Variants in ZC4H2 observed in about 807,000 individuals in gnomAD.
The protein encoded by ZC4H2 is zinc finger C4H2-type containing.
For synonymous variants in ZC4H2, 84 were observed against 66.3 expected, an observed-to-expected ratio of 1.27 and a Z score of -1.30; for missense variants, 137 against 173.9, an observed-to-expected ratio of 0.79 and a Z score of 1.19.
At chrX:65,012,084 AG>A (rs1221884937) in intron 1 of ZC4H2, among the ~76,000 whole-genome samples, 1 of 107,949 alleles carries the variant, frequency 9.3e-6, no homozygotes, top group Non-Finnish European at 1.9e-5. Flanking sequence ...AAAGCCATAA[AG>A]AAACCTAGTA....
chrX:64,954,531 A>G (rs887233195), intron 1 of ZC4H2, among the ~76,000 whole-genome samples: 1 of 103,646 alleles, frequency 9.6e-6, no homozygotes, highest in East Asian at 2.9e-4. Flanking sequence ...TGTGTTTTTA[A>G]CTATAATCCT....
intron 1 of ZC4H2, among the ~76,000 whole-genome samples, chrX:64,950,763 CT>C (rs1421131106): frequency 1.8e-5 from 2 of 110,638 alleles, no homozygotes; most frequent in East Asian, 5.6e-4. Context: ...GATGGGTTTC[CT>C]GAATACAGCA....
intron 1 of ZC4H2, among the ~76,000 whole-genome samples, chrX:64,973,916 T>G (rs1243084724): frequency 1.8e-5 from 2 of 111,700 alleles, no homozygotes; most frequent in African/African-American, 6.5e-5. Flanking sequence ...TCTTTCATTT[T>G]CAGAAGGTTG....
intron 1 of ZC4H2, among the ~76,000 whole-genome samples, chrX:64,975,213 C>T (rs1197392929): frequency 9.1e-6 from 1 of 109,825 alleles, no homozygotes; most frequent in Non-Finnish European, 1.9e-5. Context: ...GGTCAAAGGG[C>T]CTGGCACACA....
chrX:65,007,163 CTT>C (rs1311987477), intron 1 of ZC4H2, among the ~76,000 whole-genome samples: 1 of 110,952 alleles, frequency 9.0e-6, no homozygotes, highest in Non-Finnish European at 1.9e-5. Context: ...ATTTTAAAGT[CTT>C]TGTCTGATAT....
At chrX:64,920,313 A>C (rs1929140452) in intron 2 of ZC4H2, 60 bp from the exon 3 acceptor site, 2 of 1,107,834 alleles carry the variant, frequency 1.8e-6, no homozygotes, top group African/African-American at 1.8e-5. Flanking sequence ...GAGAGGATCT[A>C]TAGCTGAGTG....
chrX:64,998,253 A>G (rs1932457818), intron 1 of ZC4H2, among the ~76,000 whole-genome samples: 1 of 112,197 alleles, frequency 8.9e-6, no homozygotes, highest in Non-Finnish European at 1.9e-5. Context: ...CGATTCAATT[A>G]CATGCTGTCT....
chrX:64,931,810 A>T (rs1318907177), intron 1 of ZC4H2, among the ~76,000 whole-genome samples: 2 of 111,635 alleles, frequency 1.8e-5, no homozygotes, highest in African/African-American at 6.5e-5. Flanking sequence ...ACACTGAAAA[A>T]AAGAATGCAT....
chrX:64,957,097 C>A lies in ZC4H2; in HGVS notation c.53+19228G>T, dbSNP rs189173375. Reference sequence around the variant, plus strand: ...TAGGTAGACAAGATTGAAAACGTAACTTAGGAGTATGTGCCTGTAACAATA... The same window carrying A: ...TAGGTAGACAAGATTGAAAACGTAAATTAGGAGTATGTGCCTGTAACAATA... On this transcript the variant is annotated intron_variant, in intron 1 of 4. Coordinates refer to ENST00000374839, the MANE Select transcript of ZC4H2 (RefSeq NM_018684.4). Among the ~76,000 whole-genome samples, 173 of 112,542 alleles carry A rather than the reference C, an allele frequency of 1.5e-3. 1 individual carries two copies. Among genetic ancestry groups the A allele is most frequent in the Non-Finnish European group, 2.9e-3 (153 of 53,288 alleles).
At chrX:64,968,285 C>G (rs1480975614) in intron 1 of ZC4H2, among the ~76,000 whole-genome samples, 1 of 111,322 alleles carries the variant, frequency 9.0e-6, no homozygotes, top group Non-Finnish European at 1.9e-5. Flanking sequence ...AGTGACTTGC[C>G]CAAGAAGACA....
At chrX:64,948,040 G>A (rs998375626) in intron 1 of ZC4H2, among the ~76,000 whole-genome samples, 1 of 110,490 alleles carries the variant, frequency 9.1e-6, no homozygotes, top group Non-Finnish European at 1.9e-5. Flanking sequence ...AACTTTTAAC[G>A]ACCCCCAGGA....
chrX:64,979,801 G>A (rs1005327138), upstream of ZC4H2, among the ~76,000 whole-genome samples: 1 of 108,624 alleles, frequency 9.2e-6, no homozygotes, highest in African/African-American at 3.6e-5. Context: ...TGATTGATTT[G>A]AGGGGTTAGA....
At chrX:65,000,855 A>G (rs938050974) in intron 1 of ZC4H2, among the ~76,000 whole-genome samples, 15 of 112,086 alleles carry the variant, frequency 1.3e-4, no homozygotes, top group African/African-American at 4.9e-4. Flanking sequence ...GATCAACTCA[A>G]TGAAATAAAG....
intron 2 of ZC4H2, among the ~76,000 whole-genome samples, chrX:64,920,850 T>A (rs1322488215): frequency 8.9e-6 from 1 of 111,862 alleles, no homozygotes; most frequent in East Asian, 2.8e-4. Flanking sequence ...AGGGGTGGAG[T>A]CTAGCAATAT....
intron 1 of ZC4H2, among the ~76,000 whole-genome samples, chrX:65,023,328 C>A (rs1932850916): frequency 9.0e-6 from 1 of 111,573 alleles, no homozygotes; most frequent in Admixed American, 9.5e-5. Context: ...TTCCTCTTTT[C>A]CTAACTGAAT....
At chrX:64,954,432 T>A in intron 1 of ZC4H2, among the ~76,000 whole-genome samples, 1 of 89,922 alleles carries the variant, frequency 1.1e-5, no homozygotes, top group African/African-American at 4.9e-5. Flanking sequence ...ATTTCAAAAT[T>A]TCTAATATGT....
intron 1 of ZC4H2, among the ~76,000 whole-genome samples, chrX:64,930,784 T>C (rs142279632): frequency 3.6e-5 from 4 of 111,801 alleles, no homozygotes; most frequent in Non-Finnish European, 7.5e-5. Context: ...TTGCTGAGGA[T>C]TTTTGAATCT....
Position 64,934,856 on chromosome X carries a change from G to A in ZC4H2, c.54-12868C>T, listed in dbSNP as rs144675885. On this transcript the variant is annotated intron_variant, in intron 1 of 4. Coordinates refer to ENST00000374839, the MANE Select transcript of ZC4H2 (RefSeq NM_018684.4). Reference sequence around the variant, plus strand: ...ACCCGCAGACCAGGAGATCCCCTTCGGTGCCTACACCACCAGGACCCTGGG... The same window carrying A: ...ACCCGCAGACCAGGAGATCCCCTTCAGTGCCTACACCACCAGGACCCTGGG... 8.7e-3 allele frequency among the ~76,000 whole-genome samples: 974 copies of A among 111,685 alleles called. 11 individuals are homozygous for A. Among genetic ancestry groups the A allele is most frequent in the Admixed American group, 0.044 (468 of 10,582 alleles).
intron 1 of ZC4H2, among the ~76,000 whole-genome samples, chrX:64,987,796 C>T (rs1224156976): frequency 2.8e-5 from 3 of 107,180 alleles, no homozygotes; most frequent in African/African-American, 1.0e-4. Flanking sequence ...AGGTTTGTTA[C>T]ATATGTATAC....
Sources: gnomAD v4.1 joint callset for allele counts (sites outside exome capture counted in the v4.1 genomes callset) on GRCh38, gnomAD v4.1.1 for gene constraint, MANE v1.5 for transcripts, NCBI Gene and HGNC (gene_info 2026-07-23, HGNC 2026-07-21) for gene names.